UNC5D: variants seen among roughly 807,000 people sequenced by gnomAD.
The protein encoded by UNC5D is netrin receptor UNC5D.
A neutral mutation model predicts 105.4 loss-of-function variants in UNC5D; 39 were observed. The ratio of observed to expected loss-of-function variants is 0.37; its 90% confidence interval spans 0.29 to 0.48. The LOEUF is 0.48. UNC5D is among the 20% of genes least tolerant of loss of function. The pLI is 0.98. For synonymous variants in UNC5D, 452 were observed against 450.4 expected (o/e 1.00, Z -0.04); for missense variants, 991 against 1,202.4 (o/e 0.82, Z 2.60).
intron 4 of UNC5D, among the ~76,000 whole-genome samples, chr8:35,665,640 A>ATTTTTTT (rs376152620): frequency 8.1e-6 from 1 of 124,078 alleles, no homozygotes. Context: ...AGAAGGTGCC[A>ATTTTTTT]TTTTTTTTTT....
intron 4 of UNC5D, among the ~76,000 whole-genome samples, chr8:35,603,425 T>A (rs1317445827): frequency 6.6e-6 from 1 of 152,230 alleles, no homozygotes; most frequent in African/African-American, 2.4e-5. Context: ...CTATAATTTC[T>A]GTTCTTTTAC....
chr8:35,420,741 G>GT (rs1805844959), intron 1 of UNC5D, among the ~76,000 whole-genome samples: 5 of 103,312 alleles, frequency 4.8e-5, no homozygotes, highest in Admixed American at 1.0e-4. Context: ...AATACCATGG[G>GT]CTTTTTTTTT....
At chr8:35,389,932 A>C (rs1324257822) in intron 1 of UNC5D, among the ~76,000 whole-genome samples, 1 of 152,242 alleles carries the variant, frequency 6.6e-6, no homozygotes, top group Non-Finnish European at 1.5e-5. Context: ...GAATTGTATT[A>C]GTCCATTCTT....
intron 1 of UNC5D, among the ~76,000 whole-genome samples, chr8:35,343,119 T>C (rs932321750): frequency 6.6e-6 from 1 of 152,094 alleles, no homozygotes; most frequent in Admixed American, 6.6e-5. Flanking sequence ...ATACTGACAC[T>C]GCTGGTCTGG....
chr8:35,270,292 A>T (rs1428846993), intron 1 of UNC5D, among the ~76,000 whole-genome samples: 1 of 152,208 alleles, frequency 6.6e-6, no homozygotes, highest in African/African-American at 2.4e-5. Context: ...GGCTTTCGAT[A>T]GAAGATTGCA....
chr8:35,519,828 A>C (rs1586033775), intron 1 of UNC5D, among the ~76,000 whole-genome samples: 1 of 152,248 alleles, frequency 6.6e-6, no homozygotes, highest in Non-Finnish European at 1.5e-5. Context: ...AAAGTTCAAC[A>C]TCCTTAGCCT....
chr8:35,598,462 G>C (rs963763587), intron 4 of UNC5D, among the ~76,000 whole-genome samples: 1 of 152,122 alleles, frequency 6.6e-6, no homozygotes, highest in African/African-American at 2.4e-5. Context: ...ATGGAAATTG[G>C]TATAGCCATT....
At chr8:35,397,686 C>A (rs1479816943) in intron 1 of UNC5D, among the ~76,000 whole-genome samples, 1 of 152,124 alleles carries the variant, frequency 6.6e-6, no homozygotes, top group Admixed American at 6.6e-5. Flanking sequence ...GAGTCTGTCT[C>A]ATTTGTTCTC....
intron 1 of UNC5D, chr8:35,544,600 T>C (rs914936361): frequency 1.4e-6 from 2 of 1,400,186 alleles, no homozygotes; most frequent in African/African-American, 1.6e-5. Context: ...TTTTCGTTTT[T>C]TTTTTTTTTT....
chr8:35,454,229 G>A (rs1472137197), intron 1 of UNC5D, among the ~76,000 whole-genome samples: 2 of 152,056 alleles, frequency 1.3e-5, no homozygotes, highest in African/African-American at 2.4e-5. Context: ...GGGGGAGGGG[G>A]AAGTTCCAGG....
intron 1 of UNC5D, among the ~76,000 whole-genome samples, chr8:35,427,618 A>G (rs562907358): frequency 1.6e-4 from 24 of 152,318 alleles, no homozygotes; most frequent in Middle Eastern, 3.4e-3. Flanking sequence ...TAAAGTAGGA[A>G]GAAGTTGTTT....
chr8:35,604,019 A>G (rs781482581), intron 4 of UNC5D, among the ~76,000 whole-genome samples: 1 of 152,128 alleles, frequency 6.6e-6, no homozygotes, highest in African/African-American at 2.4e-5. Flanking sequence ...TGTGCCTTTT[A>G]ATTGGAGCAT....
intron 1 of UNC5D, among the ~76,000 whole-genome samples, chr8:35,278,143 C>T (rs1019149098): frequency 1.3e-5 from 2 of 152,178 alleles, no homozygotes; most frequent in African/African-American, 4.8e-5. Flanking sequence ...CAGTCTTCAT[C>T]TAGCACTGAG....
intron 1 of UNC5D, among the ~76,000 whole-genome samples, chr8:35,494,040 G>T (rs1215643581): frequency 1.3e-5 from 2 of 152,112 alleles, no homozygotes; most frequent in Non-Finnish European, 2.9e-5. Context: ...TAATACAGTA[G>T]ATCCCAACTG....
intron 16 of UNC5D, among the ~76,000 whole-genome samples, chr8:35,777,392 G>C (rs1586630350): frequency 6.6e-6 from 1 of 152,208 alleles, no homozygotes; most frequent in African/African-American, 2.4e-5. Context: ...CTAGGTGACA[G>C]AGCAAGACCC....
At chr8:35,438,295 T>C (rs60406840) in intron 1 of UNC5D, among the ~76,000 whole-genome samples, 6,993 of 152,134 alleles carry the variant, frequency 0.046, 178 homozygotes, top group African/African-American at 0.062. Flanking sequence ...ATTTGTATAA[T>C]GCGAATAAGG....
At chr8:35,478,709 G>T (rs1309706565) in intron 1 of UNC5D, among the ~76,000 whole-genome samples, 1 of 150,930 alleles carries the variant, frequency 6.6e-6, no homozygotes, top group African/African-American at 2.5e-5. Context: ...TGAAACTGAT[G>T]GTATTGAAAT....
chr8:35,621,807 C>T (rs533200335), intron 4 of UNC5D, among the ~76,000 whole-genome samples: 1 of 152,234 alleles, frequency 6.6e-6, no homozygotes, highest in African/African-American at 2.4e-5. Context: ...GGAGCATGTG[C>T]CTGAGCCTTC....
intron 1 of UNC5D, among the ~76,000 whole-genome samples, chr8:35,335,676 GAT>G (rs1474904225): frequency 6.6e-6 from 1 of 150,690 alleles, no homozygotes; most frequent in Non-Finnish European, 1.5e-5. Context: ...TGTAACATGA[GAT>G]GTGAATAATC....
Sources: allele counts gnomAD v4.1 joint callset (sites outside exome capture counted in the v4.1 genomes callset), GRCh38; gene constraint gnomAD v4.1.1; transcripts MANE v1.5; gene names NCBI Gene and HGNC (gene_info 2026-07-23, HGNC 2026-07-21).